CC2D2A: variants seen among roughly 807,000 people sequenced by gnomAD.
The protein encoded by CC2D2A is coiled-coil and C2 domain-containing protein 2A.
In CC2D2A, 155 loss-of-function variants were observed where a neutral mutation model predicts 212.9. The ratio of observed to expected loss-of-function variants is 0.73; its 90% CI spans 0.64 to 0.83. CC2D2A has a LOEUF of 0.83. Among genes scored for constraint, CC2D2A ranks in the 40% least tolerant of loss-of-function variants. CC2D2A has a pLI of 0.00. For missense variants in CC2D2A, 1,856 were observed against 1,956.2 expected (o/e 0.95, Z 0.97); for synonymous variants, 667 against 686.5 (o/e 0.97, Z 0.44).
At chr4:15,522,143 G>A (rs1003500858) in intron 11 of CC2D2A, among the ~76,000 whole-genome samples, 14 of 152,222 alleles carry the variant, frequency 9.2e-5, no homozygotes, top group Admixed American at 9.2e-4. Flanking sequence ...CAAGGTTGTA[G>A]TGAGCTATTA....
intron 4 of CC2D2A, among the ~76,000 whole-genome samples, chr4:15,484,997 G>A (rs897041391): frequency 2.6e-5 from 4 of 152,136 alleles, no homozygotes; most frequent in Admixed American, 2.0e-4. Context: ...CCAATCAGCT[G>A]ACTATCTTGA....
intron 35 of CC2D2A, among the ~76,000 whole-genome samples, chr4:15,599,275 G>C (rs1270294939): frequency 2.0e-5 from 3 of 152,122 alleles, no homozygotes; most frequent in Non-Finnish European, 4.4e-5. Context: ...TAGCTCTTAG[G>C]ATACACATAC....
At position 15,483,499 on chromosome 4, in the gene CC2D2A, C is replaced by G. The variant is rs773090342; in HGVS notation, c.247+2672C>G. ...TTCGACATATTTGTTAGAAGCATGT[C>G]CCTAAATCCAGCCCACATTTAAGGG... is the stretch of plus-strand genomic sequence containing the variant. On this transcript the variant is annotated intron_variant, in intron 4 of 36. Coordinates refer to ENST00000424120, the MANE Select transcript of CC2D2A (RefSeq NM_001378615.1). 3.4e-4 allele frequency among the ~76,000 whole-genome samples: 51 copies of G among 152,166 alleles called. 3 individuals are homozygous for G. Among genetic ancestry groups the G allele is most frequent in the Non-Finnish European group, 8.8e-5 (6 of 68,024 alleles).
Position 15,557,560 on chromosome 4 carries a change from G to A in CC2D2A, c.2829+53G>A, listed in dbSNP as rs143343199. On this transcript the variant is annotated intron_variant, in intron 21 of 36. Transcript: ENST00000424120. ...AAAATAATAAAGTACCTACTGTGCT[G>A]TTAGGTATACTACTGTATATGTATT... 2.2e-5 allele frequency: 27 copies of A among 1,244,704 alleles called. No homozygotes were observed. In the African/African-American group the frequency reaches 3.9e-4, roughly 18 times the overall value. 77.1% of individuals were successfully genotyped at this position (1,244,704 alleles called of 1,614,324 possible).
chr4:15,554,874 C>T (rs1719199234), intron 19 of CC2D2A, among the ~76,000 whole-genome samples, 198 bp from the exon 20 acceptor site: 1 of 152,194 alleles, frequency 6.6e-6, no homozygotes, highest in Admixed American at 6.5e-5. Context: ...GCAGTCCTTC[C>T]ATTCCTGTTT....
intron 13 of CC2D2A, 58 bp from the exon 14 acceptor site, chr4:15,533,135 T>C: frequency 2.1e-6 from 3 of 1,422,086 alleles, no homozygotes; most frequent in Non-Finnish European, 2.8e-6. Flanking sequence ...ATTATTAATT[T>C]CTTTTGCAAA....
chr4:15,499,484 GC>G (rs1384173159), intron 4 of CC2D2A, among the ~76,000 whole-genome samples: 3 of 152,140 alleles, frequency 2.0e-5, no homozygotes, highest in African/African-American at 7.2e-5. Flanking sequence ...TCTGGCAAGA[GC>G]TACTTTTTAT....
intron 19 of CC2D2A, among the ~76,000 whole-genome samples, chr4:15,554,464 G>A (rs1384141729): frequency 6.6e-6 from 1 of 152,154 alleles, no homozygotes; most frequent in African/African-American, 2.4e-5. Context: ...CATGAGGTCA[G>A]GAGTTTGAGA....
At chr4:15,506,703 G>A (rs1716273198) in intron 6 of CC2D2A, among the ~76,000 whole-genome samples, 1 of 152,118 alleles carries the variant, frequency 6.6e-6, no homozygotes, top group East Asian at 1.9e-4. Context: ...TATTTTACAA[G>A]GCGACCTCAC....
chr4:15,599,838 A>G, intron 36 of CC2D2A, 132 bp downstream of exon 36: 1 of 553,520 alleles, frequency 1.8e-6, no homozygotes, highest in Non-Finnish European at 2.9e-6. Flanking sequence ...AGCATAAACT[A>G]AAAACTGTGA....
rs1418572756 is a variant in CC2D2A, at chr4:15,597,282, C to T, written c.4438-125C>T. On this transcript the variant is annotated intron_variant, in intron 34 of 36. Transcript: ENST00000424120. Reference sequence around the variant, plus strand: ...TTTTGGTGGGTCATGGGTACATCAGCATGCATTATATTATTTTCTATATCT... The same window carrying T: ...TTTTGGTGGGTCATGGGTACATCAGTATGCATTATATTATTTTCTATATCT... 6.9e-6 allele frequency: 5 copies of T among 723,468 alleles called. No individual in the cohort carries two copies. In the Admixed American group the frequency reaches 1.3e-4, roughly 18 times the overall value. 44.8% of individuals were successfully genotyped at this position (723,468 alleles called of 1,614,324 possible).
intron 4 of CC2D2A, chr4:15,481,300 G>A (rs552788050): frequency 6.7e-6 from 3 of 448,238 alleles, no homozygotes; most frequent in South Asian, 3.2e-5. Context: ...CCTGAGGTTG[G>A]GAGTTCAAGA....
chr4:15,471,341 G>A (rs1253550561), intron 1 of CC2D2A, among the ~76,000 whole-genome samples: 1 of 152,082 alleles, frequency 6.6e-6, no homozygotes, highest in Non-Finnish European at 1.5e-5. Context: ...AGGGAGACAT[G>A]AAACATGAGT....
intron 28 of CC2D2A, among the ~76,000 whole-genome samples, chr4:15,573,870 C>A (rs1237896931): frequency 6.6e-6 from 1 of 152,184 alleles, no homozygotes; most frequent in Non-Finnish European, 1.5e-5. Context: ...CATTTGTAAA[C>A]CAAGTTTTGA....
At chr4:15,540,701 T>C in intron 16 of CC2D2A, 136 bp from the exon 17 acceptor site, 6 of 734,722 alleles carry the variant, frequency 8.2e-6, no homozygotes, top group Admixed American at 2.7e-5. Context: ...GTGGCTCCTC[T>C]GGTTAAATGA....
intron 4 of CC2D2A, among the ~76,000 whole-genome samples, chr4:15,500,011 G>A (rs1039893857): frequency 4.0e-5 from 6 of 150,428 alleles, no homozygotes; most frequent in African/African-American, 1.2e-4. Flanking sequence ...TCTGAGAAAC[G>A]CATAACTGAG....
chr4:15,557,421 C>T lies in CC2D2A; in HGVS notation c.2743C>T (p.His915Tyr). 6.2e-7 allele frequency: 1 copy of T among 1,612,586 alleles called. No individual in the cohort carries two copies. The highest frequency in any genetic ancestry group is 8.5e-7 in the Non-Finnish European group (1 of 1,178,904). ...LNRSKRFRLL[H>Y]LRSQEVPEFR... ...TAGATCCAAACGATTTAGGCTTCTTCATCTTAGAAGCCAAGAGGTGCCAGA... is the reference window on the plus strand; with the variant it reads ...TAGATCCAAACGATTTAGGCTTCTTTATCTTAGAAGCCAAGAGGTGCCAGA... Residue 915 changes from histidine to tyrosine, a missense_variant, in exon 21 of 37, where the codon CAT (histidine) becomes TAT (tyrosine). Physicochemically the swap from His to Tyr is moderately conservative, Grantham distance 83. Around this residue, in one of 5 missense-constraint regions of CC2D2A, gnomAD observed 1,512 missense variants for 1,579.3 expected, o/e 0.96. Transcript: ENST00000424120.
intron 30 of CC2D2A, among the ~76,000 whole-genome samples, chr4:15,581,636 A>G (rs899123459): frequency 2.0e-5 from 3 of 152,256 alleles, no homozygotes; most frequent in Admixed American, 2.0e-4. Flanking sequence ...TGTCTAAAGA[A>G]GGAACACTGC....
chr4:15,531,167 C>T (rs1717828467), intron 13 of CC2D2A, among the ~76,000 whole-genome samples: 2 of 152,180 alleles, frequency 1.3e-5, no homozygotes, highest in South Asian at 4.1e-4. Context: ...CATTTCCAAA[C>T]CATCCTATCT....
Sources: allele counts gnomAD v4.1 joint callset (sites outside exome capture counted in the v4.1 genomes callset), GRCh38; gene constraint gnomAD v4.1.1; regional missense constraint gnomAD v4.1.1; transcripts MANE v1.5; gene names NCBI Gene and HGNC (gene_info 2026-07-23, HGNC 2026-07-21).